The following PDZK1IP1 variants were observed in gnomAD, a reference collection of about 807,000 sequenced individuals.
The protein encoded by PDZK1IP1 is PDZK1-interacting protein 1.
A neutral mutation model predicts 14.7 loss-of-function variants in PDZK1IP1; 9 were observed. That is an observed-to-expected ratio of 0.61 (90% CI 0.37 to 1.07). The LOEUF (loss-of-function observed/expected upper bound fraction) is 1.07. Among genes scored for constraint, PDZK1IP1 ranks in the 50% least tolerant of loss-of-function variants. PDZK1IP1 has a pLI of 0.01. For missense variants in PDZK1IP1, 152 were observed against 148.7 expected, an observed-to-expected ratio of 1.02 and a Z score of -0.11; for synonymous variants, 70 against 61.2, an observed-to-expected ratio of 1.14 and a Z score of -0.67.
chr1:47,187,215 A>T, intron 2 of PDZK1IP1, 104 bp downstream of exon 2: 2 of 732,112 alleles, frequency 2.7e-6, no homozygotes, highest in South Asian at 3.3e-5. Flanking sequence ...CCTCAGGGGG[A>T]GGATTGGACA....
At chr1:47,185,913 A>T (rs1050213030) in intron 2 of PDZK1IP1, among the ~76,000 whole-genome samples, 1 of 151,832 alleles carries the variant, frequency 6.6e-6, no homozygotes. Context: ...ACCACTCTCC[A>T]GGCCTGCAGA....
chr1:47,186,907 A>T (rs976219014), intron 2 of PDZK1IP1, among the ~76,000 whole-genome samples: 1 of 152,144 alleles, frequency 6.6e-6, no homozygotes, highest in African/African-American at 2.4e-5. Flanking sequence ...TGAGGGCAGG[A>T]GGTGTGTCTG....
At chr1:47,189,814 C>T in intron 1 of PDZK1IP1, 52 bp downstream of exon 1, 1 of 1,417,060 alleles carries the variant, frequency 7.1e-7, no homozygotes, top group East Asian at 2.4e-5. Context: ...AGCCAGAACA[C>T]CACCTGTCCA....
chr1:47,184,816 C>T (rs995397183), intron 3 of PDZK1IP1, among the ~76,000 whole-genome samples, 186 bp downstream of exon 3: 12 of 151,208 alleles, frequency 7.9e-5, no homozygotes, highest in African/African-American at 2.2e-4. Flanking sequence ...CTGCAGCCCT[C>T]GCCCCACACA....
Position 47,185,025 on chromosome 1 carries a change from G to A in PDZK1IP1, c.249C>T (p.Tyr83=). 6.2e-7 allele frequency: 1 copy of A among 1,613,320 alleles called. No individual in the cohort carries two copies. The highest frequency in any genetic ancestry group is 8.5e-7 in the Non-Finnish European group (1 of 1,179,828). ...ACCTGAAACTGGCCGCCATCGAAGA[G>A]TACCTTCCATCTGTTCCCACCAGGA... ...DGVLVGTDGR[Y]SSMAASFRSS... is the part of the protein sequence containing the mutation. Residue 83 remains tyrosine, a synonymous_variant, in exon 3 of 4, where the codon TAC becomes TAT. Coordinates refer to ENST00000294338, the MANE Select transcript of PDZK1IP1 (RefSeq NM_005764.4).
At chr1:47,188,936 C>T (rs2148573767) in intron 1 of PDZK1IP1, among the ~76,000 whole-genome samples, 1 of 152,294 alleles carries the variant, frequency 6.6e-6, no homozygotes, top group South Asian at 2.1e-4. Context: ...ACCCTGCAGC[C>T]AATTCTCTCC....
Position 47,187,572 on chromosome 1 carries a change from C to T in PDZK1IP1, c.68-145G>A, listed in dbSNP as rs563078667. 1.1e-4 allele frequency: 72 copies of T among 666,922 alleles called. No homozygotes were observed. In the African/African-American group the frequency reaches 1.3e-3, roughly 12 times the overall value. The allele number at this position is 666,922 out of a possible 1,614,324, so 41.3% of individuals were successfully genotyped here. A position where few individuals can be genotyped will look rare whatever the true frequency, so the allele number is the denominator to read the frequency against. On this transcript the variant is annotated intron_variant, in intron 1 of 3. Coordinates refer to ENST00000294338, the MANE Select transcript of PDZK1IP1 (RefSeq NM_005764.4). ...GGAGCAAGGAGACATTGTGGGGAGG[C>T]AGGGGTGGGATACAGCCCATCTGAC...
At chr1:47,185,153 G>T in intron 2 of PDZK1IP1, 56 bp from the exon 3 acceptor site, 1 of 1,347,924 alleles carries the variant, frequency 7.4e-7, no homozygotes, top group South Asian at 1.2e-5. Context: ...CGTCCAAGCA[G>T]ACCCTATTCT....
intron 1 of PDZK1IP1, among the ~76,000 whole-genome samples, chr1:47,188,566 C>T (rs1645333922): frequency 6.6e-6 from 1 of 152,184 alleles, no homozygotes; most frequent in Non-Finnish European, 1.5e-5. Flanking sequence ...TTTTGAGGGA[C>T]CCAAGCTGGA....
At chr1:47,189,347 G>A (rs1645339136) in intron 1 of PDZK1IP1, among the ~76,000 whole-genome samples, 2 of 152,200 alleles carry the variant, frequency 1.3e-5, no homozygotes, top group Non-Finnish European at 2.9e-5. Flanking sequence ...TGGGCAGGGT[G>A]GGGTTTATTG....
chr1:47,185,114 T>A lies in PDZK1IP1; in HGVS notation c.177-17A>T, dbSNP rs749692938. ...GCAGGCTCCCTGGGGATGGGATTCA[T>A]CAGTGGGGCTCCTCAGTGGGGCCCC... On this transcript the variant is annotated splice_polypyrimidine_tract_variant and intron_variant, in intron 2 of 3. Coordinates refer to ENST00000294338, the MANE Select transcript of PDZK1IP1 (RefSeq NM_005764.4). 6.2e-7 allele frequency: 1 copy of A among 1,606,822 alleles called. No homozygotes were observed. The highest frequency in any genetic ancestry group is 8.5e-7 in the Non-Finnish European group (1 of 1,174,402).
At position 47,183,729 on chromosome 1, in the gene PDZK1IP1, C is replaced by T. The variant is rs2148571710; in HGVS notation, c.*242G>A. 3 of 574,106 alleles carry T rather than the reference C, an allele frequency of 5.2e-6. No individual in the cohort carries two copies. In the South Asian group the frequency reaches 6.7e-5, roughly 13 times the overall value. 35.6% of individuals were successfully genotyped at this position (574,106 alleles called of 1,614,324 possible). A position where few individuals can be genotyped will look rare whatever the true frequency, so the allele number is the denominator to read the frequency against. On this transcript the variant is annotated 3_prime_UTR_variant, in exon 4 of 4. Transcript: ENST00000294338. ...TGGGAGGTGCTCAGCTGACTGTCCT[C>T]TCCAGAAGGCTCTTCTGAGCTGAGC...
chr1:47,183,664 G>A lies in PDZK1IP1; in HGVS notation c.*307C>T. 2.5e-6 allele frequency: 1 copy of A among 406,344 alleles called. No individual in the cohort carries two copies. Among genetic ancestry groups the A allele is most frequent in the Non-Finnish European group, 4.4e-6 (1 of 227,296 alleles). 25.2% of individuals were successfully genotyped at this position (406,344 alleles called of 1,614,324 possible). ...AAAGTCTTTATTTCACAGAAATTAGGGCCATTTCCATAGTTATGGGGAAGG... is the reference window on the plus strand; with the variant it reads ...AAAGTCTTTATTTCACAGAAATTAGAGCCATTTCCATAGTTATGGGGAAGG... On this transcript the variant is annotated 3_prime_UTR_variant, in exon 4 of 4. Coordinates refer to ENST00000294338, the MANE Select transcript of PDZK1IP1 (RefSeq NM_005764.4).
At chr1:47,184,725 C>T (rs938679804) in intron 3 of PDZK1IP1, among the ~76,000 whole-genome samples, 2 of 149,506 alleles carry the variant, frequency 1.3e-5, no homozygotes, top group South Asian at 4.3e-4. Context: ...CTCCATTGAA[C>T]CCTTTGTCCC....
chr1:47,187,276 T>G, intron 2 of PDZK1IP1, 43 bp downstream of exon 2: 1 of 1,401,586 alleles, frequency 7.1e-7, no homozygotes, highest in Non-Finnish European at 1.0e-6. Context: ...GCAGTGGTCC[T>G]GGGCCCACCC....
At chr1:47,184,288 C>T (rs947655001) in intron 3 of PDZK1IP1, among the ~76,000 whole-genome samples, 1 of 151,400 alleles carries the variant, frequency 6.6e-6, no homozygotes, top group Non-Finnish European at 1.5e-5. Context: ...CTGAGCCCAT[C>T]CCCCACCGAG....
At chr1:47,185,131 T>C (rs776098157) in intron 2 of PDZK1IP1, 34 bp from the exon 3 acceptor site, 4 of 1,551,398 alleles carry the variant, frequency 2.6e-6, no homozygotes, top group African/African-American at 1.4e-5. Context: ...GGCTCCTCAG[T>C]GGGGCCCCCC....
intron 3 of PDZK1IP1, among the ~76,000 whole-genome samples, chr1:47,184,514 T>C (rs143892548): frequency 0.12 from 173 of 1,388 alleles, no homozygotes; most frequent in Middle Eastern, 0.25. Context: ...CCCCACTGAA[T>C]CCATCCCCCA....
In PDZK1IP1 at chr1:47,185,375, G is replaced by A. The variant is rs186590081; in HGVS notation, c.177-278C>T. The A allele has an allele frequency of 2.2e-3, 915 of 415,022 alleles. 15 individuals are homozygous for A. Among genetic ancestry groups the A allele is most frequent in the East Asian group, 9.6e-4 (19 of 19,760 alleles). 25.7% of individuals were successfully genotyped at this position (415,022 alleles called of 1,614,324 possible). A position where few individuals can be genotyped will look rare whatever the true frequency, so the allele number is the denominator to read the frequency against. On this transcript the variant is annotated intron_variant, in intron 2 of 3. Transcript: ENST00000294338. The stretch of plus-strand genomic sequence containing the variant: ...GCCCTCAGTTCAGCCTCCACAGCAG[G>A]CCCTGCAGGATGCAGTGTCTGCCCC...
Sources: allele counts gnomAD v4.1 joint callset (sites outside exome capture counted in the v4.1 genomes callset), GRCh38; gene constraint gnomAD v4.1.1; transcripts MANE v1.5; gene names NCBI Gene and HGNC (gene_info 2026-07-23, HGNC 2026-07-21).